NHSL2: variants seen among roughly 807,000 people sequenced by gnomAD.
NHSL2 encodes NHS like 2.
In NHSL2, 27 loss-of-function variants were observed where a neutral mutation model predicts 53.4. That is an observed-to-expected ratio of 0.51 (90% CI 0.37 to 0.70). NHSL2 has a LOEUF of 0.70. NHSL2 is among the 30% of genes least tolerant of loss of function. The pLI, the probability that NHSL2 is intolerant of heterozygous loss-of-function variation, is 0.00. For missense variants in NHSL2, 892 were observed against 980.1 expected, an observed-to-expected ratio of 0.91 and a Z score of 1.20; for synonymous variants, 408 against 404.1, an observed-to-expected ratio of 1.01 and a Z score of -0.12.
At chrX:72,052,807 T>G (rs1355228208) in intron 1 of NHSL2, among the ~76,000 whole-genome samples, 1 of 111,746 alleles carries the variant, frequency 8.9e-6, no homozygotes, top group African/African-American at 3.3e-5. Context: ...CATCCCTCTC[T>G]CCACCCCTTT....
chrX:72,084,313 G>A (rs991090698), intron 1 of NHSL2, among the ~76,000 whole-genome samples: 3 of 112,514 alleles, frequency 2.7e-5, no homozygotes, highest in Non-Finnish European at 5.6e-5. Flanking sequence ...CAGATGCCAA[G>A]CCAGAGCCTG....
intron 1 of NHSL2, chrX:72,079,806 G>T (rs1602351245): frequency 8.9e-6 from 1 of 112,890 alleles, no homozygotes; most frequent in South Asian, 3.6e-4. Context: ...CCGCTGAGCG[G>T]GAGGTCAGCC....
intron 1 of NHSL2, among the ~76,000 whole-genome samples, chrX:71,967,372 C>T (rs1034593033): frequency 2.7e-5 from 3 of 111,278 alleles, no homozygotes; most frequent in Non-Finnish European, 5.7e-5. Context: ...AAGGTGGAAG[C>T]TTAGGTTTTT....
In NHSL2 at chrX:71,921,384, C is replaced by A. The variant is rs1479202026; in HGVS notation, c.280+10017C>A. On this transcript the variant is annotated intron_variant, in intron 1 of 7. Coordinates refer to ENST00000633930, the MANE Select transcript of NHSL2 (RefSeq NM_001013627.3). ...GCAGCGAGCCGAGATTGTGCCATTG[C>A]ACTCCAGCCTGGGTGACAAGAGCAA... 6.7e-5 allele frequency among the ~76,000 whole-genome samples: 7 copies of A among 104,628 alleles called. No individual in the cohort carries two copies. The East Asian group carries it at 1.2e-3, about 18-fold the overall frequency. The allele number at this position is 104,628 out of a possible 115,157, so 90.9% of individuals were successfully genotyped here.
intron 1 of NHSL2, among the ~76,000 whole-genome samples, chrX:71,921,843 C>T (rs1406549720): frequency 1.8e-5 from 2 of 112,197 alleles, no homozygotes; most frequent in East Asian, 5.6e-4. Flanking sequence ...ACGTCTAGAT[C>T]AGACTCTGTG....
At chrX:72,124,143 TTAAGGGGG>T (rs200424239) in intron 1 of NHSL2, among the ~76,000 whole-genome samples, 1,364 of 109,536 alleles carry the variant, frequency 0.012, 23 homozygotes, top group African/African-American at 0.044. Flanking sequence ...CCACCTCCCA[TTAAGGGGG>T]TGGTCTCTTG....
chrX:71,942,970 C>CTGTGTGTGTGTGTGTGTG (rs1348513435), intron 1 of NHSL2, among the ~76,000 whole-genome samples: 1 of 17,081 alleles, frequency 5.9e-5, no homozygotes, highest in African/African-American at 1.5e-4. Context: ...CTCTCTCTCT[C>CTGTGTGTGTGTGTGTGTG]TCTGTGTGTG....
At position 72,148,528 on chromosome X, in the gene NHSL2, A is replaced by G. The variant is rs1027299183; in HGVS notation, c.*4954A>G. 1.8e-5 allele frequency: 2 copies of G among 111,960 alleles called. No homozygotes were observed. Among genetic ancestry groups the G allele is most frequent in the Non-Finnish European group, 3.8e-5 (2 of 53,277 alleles). 9.2% of individuals were successfully genotyped at this position (111,960 alleles called of 1,213,427 possible). On this transcript the variant is annotated 3_prime_UTR_variant, in exon 8 of 8. Transcript: ENST00000633930. ...AAGGATAAGAGAGTGGGAAAGATGT[A>G]TAAGGAAGTGCCTTTGTCAAAAGGC...
rs2042445525 is a variant in NHSL2 at position 72,144,421 on chromosome X, A to C, written c.*847A>C. 1.5e-6 allele frequency: 1 copy of C among 684,145 alleles called. No individual in the cohort carries two copies. The highest frequency in any genetic ancestry group is 2.2e-5 in the African/African-American group (1 of 44,812). The allele number at this position is 684,145 out of a possible 1,213,427, so 56.4% of individuals were successfully genotyped here. On this transcript the variant is annotated 3_prime_UTR_variant, in exon 8 of 8. Coordinates refer to ENST00000633930, the MANE Select transcript of NHSL2 (RefSeq NM_001013627.3). ...GTGTCTGTCAACAGCGATAGGCAGG[A>C]TCTGCGCCCAGCTCATGCTGCATTC...
chrX:72,087,609 C>T (rs1277615576), intron 1 of NHSL2, among the ~76,000 whole-genome samples: 4 of 112,808 alleles, frequency 3.5e-5, no homozygotes, highest in African/African-American at 9.7e-5. Flanking sequence ...CGGTGGCTCA[C>T]GCCTGTAATC....
intron 1 of NHSL2, among the ~76,000 whole-genome samples, chrX:71,994,674 G>A (rs765899759): frequency 8.9e-6 from 1 of 112,064 alleles, no homozygotes; most frequent in Non-Finnish European, 1.9e-5. Context: ...TTTGTCCTCT[G>A]AAGGCAATGG....
At chrX:72,084,280 T>G (rs1340034999) in intron 1 of NHSL2, among the ~76,000 whole-genome samples, 1 of 112,254 alleles carries the variant, frequency 8.9e-6, no homozygotes, top group African/African-American at 3.2e-5. Flanking sequence ...CAGCTCCTGG[T>G]GTCACTTGGA....
intron 1 of NHSL2, among the ~76,000 whole-genome samples, chrX:72,093,319 C>A (rs1201277092): frequency 1.8e-5 from 2 of 112,371 alleles, no homozygotes; most frequent in African/African-American, 6.5e-5. Context: ...CTAATCTATT[C>A]TCTGGACTGT....
At chrX:72,067,979 T>G (rs1284451510) in intron 1 of NHSL2, among the ~76,000 whole-genome samples, 4 of 112,164 alleles carry the variant, frequency 3.6e-5, no homozygotes, top group Non-Finnish European at 7.5e-5. Context: ...CCTTCCCCTT[T>G]CTGTTTCTGG....
At chrX:71,915,389 T>A (rs1449388339) in intron 1 of NHSL2, among the ~76,000 whole-genome samples, 2 of 111,455 alleles carry the variant, frequency 1.8e-5, no homozygotes, top group African/African-American at 6.5e-5. Context: ...ATATGTGTCA[T>A]AACACTTGAC....
chrX:72,043,300 G>T (rs950615062), intron 1 of NHSL2, among the ~76,000 whole-genome samples: 9 of 111,448 alleles, frequency 8.1e-5, no homozygotes, highest in Non-Finnish European at 1.5e-4. Flanking sequence ...ATTGAACTAG[G>T]TTAAACTTTG....
chrX:72,093,751 TTTC>T (rs1221615438), intron 1 of NHSL2, among the ~76,000 whole-genome samples: 8 of 107,526 alleles, frequency 7.4e-5, no homozygotes, highest in Non-Finnish European at 1.3e-4. Flanking sequence ...TCTTTCTTTC[TTTC>T]TTTCTTTCTT....
At chrX:72,086,790 A>G (rs12010489) in intron 1 of NHSL2, among the ~76,000 whole-genome samples, 5,324 of 110,657 alleles carry the variant, frequency 0.048, 194 homozygotes, top group African/African-American at 0.11. Context: ...TATAATGATC[A>G]CGTGTCAAAG....
chrX:72,129,979 G>T (rs781624965), intron 1 of NHSL2: 2 of 1,211,545 alleles, frequency 1.7e-6, no homozygotes, highest in Non-Finnish European at 1.1e-6. Context: ...TGGTGAATTG[G>T]TGCCTGGAAG....
Sources: gnomAD v4.1 joint callset for allele counts (sites outside exome capture counted in the v4.1 genomes callset) on GRCh38, gnomAD v4.1.1 for gene constraint, MANE v1.5 for transcripts, NCBI Gene and HGNC (gene_info 2026-07-23, HGNC 2026-07-21) for gene names.